CCDC171: variants seen among roughly 807,000 people sequenced by gnomAD.
The protein encoded by CCDC171 is coiled-coil domain containing 171.
CCDC171 carries 177 observed loss-of-function variants against 168.2 expected under a neutral mutation model. The observed-to-expected ratio is 1.05, with a 90% CI of 0.93 to 1.19. CCDC171 has a LOEUF of 1.19. Among genes scored for constraint, CCDC171 ranks in the 50% most tolerant of loss-of-function variants. The pLI, the probability that CCDC171 is intolerant of heterozygous loss-of-function variation, is 0.00. For missense variants in CCDC171, 1,991 were observed against 1,539.0 expected (o/e 1.29, Z -4.91); for synonymous variants, 687 against 540.8 (o/e 1.27, Z -3.75).
chr9:15,675,438 C>T (rs2049469971), intron 9 of CCDC171, among the ~76,000 whole-genome samples: 1 of 151,904 alleles, frequency 6.6e-6, no homozygotes, highest in South Asian at 2.1e-4. Context: ...GTTATTTTGC[C>T]TGTTAATTGA....
At chr9:15,993,018 C>G (rs1232688483) in intron 3 of CCDC171, among the ~76,000 whole-genome samples, 1 of 152,278 alleles carries the variant, frequency 6.6e-6, no homozygotes, top group African/African-American at 2.4e-5. Flanking sequence ...GGCCATACTT[C>G]CCAAGGTAAT....
Position 15,675,326 on chromosome 9 carries a change from A to G in CCDC171, c.1077-3432A>G, listed in dbSNP as rs528368096. 1.6e-3 allele frequency among the ~76,000 whole-genome samples: 240 copies of G among 150,978 alleles called. 2 individuals are homozygous for G. The highest frequency in any genetic ancestry group is 5.6e-3 in the African/African-American group (229 of 41,052). ...ACTGATGGGTCTTGACTCTTTATGC[A>G]ATTTGCCAGTCTGTGTCTTTTACTT... On this transcript the variant is annotated intron_variant, in intron 9 of 25. Transcript: ENST00000380701.
In CCDC171 at chr9:15,691,542, T is replaced by TATATATATATA. The variant is rs1554762137; in HGVS notation, c.1216-3693_1216-3692insATATATATATA. Among the ~76,000 whole-genome samples the TATATATATATA allele has an allele frequency of 8.7e-3, 983 of 112,642 alleles. 24 individuals are homozygous for TATATATATATA. Among genetic ancestry groups the TATATATATATA allele is most frequent in the South Asian group, 0.024 (81 of 3,418 alleles). The allele number at this position is 112,642 out of a possible 152,430, so 73.9% of individuals were successfully genotyped here. ...GATTAAAAATACCTGTAAATATATGTTTTTTATATATATATATATATATAT... is the reference window on the plus strand; with the variant it reads ...GATTAAAAATACCTGTAAATATATGTATATATATATATTTTTATATATATATATATATATAT... On this transcript the variant is annotated intron_variant, in intron 10 of 25. Transcript: ENST00000380701.
chr9:16,029,384 T>A (rs1380147932), intron 6 of CCDC171, among the ~76,000 whole-genome samples: 1 of 152,210 alleles, frequency 6.6e-6, no homozygotes, highest in East Asian at 1.9e-4. Flanking sequence ...AGGACTTGGG[T>A]CAGGGATGGT....
At chr9:15,817,235 G>A (rs144561528) in intron 21 of CCDC171, among the ~76,000 whole-genome samples, 1,489 of 117,932 alleles carry the variant, frequency 0.013, 426 homozygotes, top group African/African-American at 0.045. Flanking sequence ...TGGCCAAATA[G>A]GAACAGCTCC....
At chr9:15,930,553 A>G (rs1826390446) in intron 25 of CCDC171, among the ~76,000 whole-genome samples, 1 of 151,630 alleles carries the variant, frequency 6.6e-6, no homozygotes, top group Non-Finnish European at 1.5e-5. Flanking sequence ...TTACCATCAT[A>G]ATACCTTTTA....
At chr9:15,833,970 A>G (rs918794748) in intron 21 of CCDC171, among the ~76,000 whole-genome samples, 1 of 152,146 alleles carries the variant, frequency 6.6e-6, no homozygotes. Flanking sequence ...CTCTTAGAAA[A>G]ATTATTTTCT....
intron 7 of CCDC171, among the ~76,000 whole-genome samples, chr9:15,638,336 A>G (rs1337242609): frequency 2.0e-5 from 3 of 152,116 alleles, no homozygotes; most frequent in Non-Finnish European, 4.4e-5. Context: ...ATAGTGACAT[A>G]ATGAACAAGA....
the CCDC171 span, among the ~76,000 whole-genome samples, chr9:16,070,798 A>G: frequency 7.9e-5 from 12 of 151,730 alleles, no homozygotes; most frequent in African/African-American, 2.9e-4. Flanking sequence ...TCCTGGACCC[A>G]CTCTCCACCT....
the CCDC171 span, among the ~76,000 whole-genome samples, chr9:16,087,645 A>C: frequency 1.5e-5 from 2 of 135,944 alleles, no homozygotes; most frequent in Non-Finnish European, 3.0e-5. Flanking sequence ...ATGTCTTTGC[A>C]TGTGAGATGG....
intron 21 of CCDC171, among the ~76,000 whole-genome samples, chr9:15,833,817 A>G (rs2060333455): frequency 6.6e-6 from 1 of 152,314 alleles, no homozygotes; most frequent in Admixed American, 6.5e-5. Context: ...AAAAATAAAT[A>G]TTATTACCCA....
chr9:16,077,058 A>G, the CCDC171 span, among the ~76,000 whole-genome samples: 2 of 152,300 alleles, frequency 1.3e-5, no homozygotes, highest in African/African-American at 4.8e-5. Flanking sequence ...CAACCGACTG[A>G]GGAAAAAAGC....
At chr9:15,698,294 G>C (rs960807913) in intron 11 of CCDC171, among the ~76,000 whole-genome samples, 1 of 152,148 alleles carries the variant, frequency 6.6e-6, no homozygotes, top group Non-Finnish European at 1.5e-5. Context: ...GGCCGAGGGG[G>C]GTGGATCACG....
intron 3 of CCDC171, among the ~76,000 whole-genome samples, chr9:16,006,030 T>G (rs1037375797): frequency 1.3e-5 from 2 of 152,108 alleles, no homozygotes; most frequent in African/African-American, 4.8e-5. Flanking sequence ...TGGCTAATTT[T>G]TTTGTATTTT....
chr9:15,952,403 C>T (rs1345316675), intron 25 of CCDC171, among the ~76,000 whole-genome samples: 1 of 151,860 alleles, frequency 6.6e-6, no homozygotes, highest in South Asian at 2.1e-4. Flanking sequence ...ATGGATTTTG[C>T]TTTGTTTTTT....
intron 6 of CCDC171, among the ~76,000 whole-genome samples, chr9:15,617,133 A>G (rs139003199): frequency 0.02 from 3,043 of 152,264 alleles, 104 homozygotes; most frequent in South Asian, 0.12. Flanking sequence ...TTGTGTTAGA[A>G]CATGCTCCTT....
chr9:16,066,546 G>A (rs1362990115), downstream of CCDC171, among the ~76,000 whole-genome samples: 1 of 149,508 alleles, frequency 6.7e-6, no homozygotes, highest in African/African-American at 2.5e-5. Flanking sequence ...GTGCCATGCT[G>A]GTGCGCTGCA....
At chr9:15,701,592 T>TG (rs2051744557) in intron 11 of CCDC171, among the ~76,000 whole-genome samples, 1 of 151,274 alleles carries the variant, frequency 6.6e-6, no homozygotes, top group Admixed American at 6.6e-5. Flanking sequence ...TTTTTTTTTT[T>TG]TTTTTGAGAC....
chr9:15,649,418 A>G (rs946408461), intron 7 of CCDC171, among the ~76,000 whole-genome samples: 11 of 152,218 alleles, frequency 7.2e-5, no homozygotes, highest in African/African-American at 2.7e-4. Context: ...TAAACTAAAG[A>G]GCTCCTGCAC....
Sources: gnomAD v4.1 joint callset for allele counts (sites outside exome capture counted in the v4.1 genomes callset) on GRCh38, gnomAD v4.1.1 for gene constraint, MANE v1.5 for transcripts, NCBI Gene and HGNC (gene_info 2026-07-23, HGNC 2026-07-21) for gene names.